Variants in RIMS2 observed in about 807,000 individuals in gnomAD.
RIMS2 encodes regulating synaptic membrane exocytosis protein 2.
Under a neutral mutation model 174.4 loss-of-function variants are expected in RIMS2, and 59 were observed. The ratio of observed to expected loss-of-function variants is 0.34; its 90% confidence interval spans 0.27 to 0.42. The LOEUF is 0.42. Ranked by LOEUF, RIMS2 falls within the 10% of genes least tolerant of loss-of-function variation. The pLI, the probability that RIMS2 is intolerant of heterozygous loss-of-function variation, is 1.00. For missense variants in RIMS2, 1,620 were observed against 1,666.3 expected (o/e 0.97, Z 0.48); for synonymous variants, 606 against 572.5 (o/e 1.06, Z -0.84).
intron 19 of RIMS2, among the ~76,000 whole-genome samples, chr8:104,091,590 G>C (rs922198474): frequency 6.7e-6 from 1 of 149,942 alleles, no homozygotes; most frequent in Non-Finnish European, 1.5e-5. Flanking sequence ...GTGAAAATAT[G>C]TATAGATATA....
intron 3 of RIMS2, among the ~76,000 whole-genome samples, chr8:103,877,588 A>G (rs1307571974): frequency 6.6e-6 from 1 of 151,850 alleles, no homozygotes; most frequent in Non-Finnish European, 1.5e-5. Context: ...CCATTGGTCT[A>G]TATGTCTACT....
rs1443771832 is a variant in RIMS2 at position 104,015,308 on chromosome 8, T to A, written c.3334+693T>A. On this transcript the variant is annotated intron_variant, in intron 19 of 23. Transcript: ENST00000504942. The stretch of plus-strand genomic sequence containing the variant: ...TTTAAATCATTTAACTTTTCTCTAG[T>A]AGATAATACATTCTGTGCTTTTGGA... 8 of 515,382 alleles carry A rather than the reference T, an allele frequency of 1.6e-5. No homozygotes were observed. In the Admixed American group the frequency reaches 2.6e-4, roughly 17 times the overall value. The allele number at this position is 515,382 out of a possible 1,614,324, so 31.9% of individuals were successfully genotyped here.
intron 19 of RIMS2, among the ~76,000 whole-genome samples, chr8:104,136,991 T>C (rs570075441): frequency 5.9e-5 from 9 of 152,174 alleles, no homozygotes; most frequent in African/African-American, 9.6e-5. Context: ...CAATAAATAA[T>C]CTGAAAATTA....
chr8:103,583,474 T>C (rs2093730768), intron 1 of RIMS2, among the ~76,000 whole-genome samples: 1 of 152,236 alleles, frequency 6.6e-6, no homozygotes. Context: ...TGGAGAAATA[T>C]ATGTGACATT....
intron 1 of RIMS2, among the ~76,000 whole-genome samples, chr8:103,555,465 A>T (rs1228545888): frequency 4.6e-5 from 7 of 152,318 alleles, no homozygotes. Context: ...GAGGTTCCTC[A>T]ACAAACTAGA....
chr8:104,101,653 T>C (rs1211026432), intron 19 of RIMS2, among the ~76,000 whole-genome samples: 6 of 152,170 alleles, frequency 3.9e-5, no homozygotes, highest in Non-Finnish European at 2.9e-5. Context: ...TACCTTTCTT[T>C]CTTTTATTTT....
intron 19 of RIMS2, among the ~76,000 whole-genome samples, chr8:104,043,475 T>C (rs1442484687): frequency 6.6e-6 from 1 of 151,490 alleles, no homozygotes; most frequent in East Asian, 1.9e-4. Flanking sequence ...AAGAAAAGAA[T>C]AGGGATGTCA....
At chr8:103,662,375 T>A (rs1416235456) in intron 1 of RIMS2, among the ~76,000 whole-genome samples, 1 of 152,210 alleles carries the variant, frequency 6.6e-6, no homozygotes, top group Admixed American at 6.5e-5. Flanking sequence ...TTACACAAAT[T>A]GTAAAAAATG....
intron 15 of RIMS2, among the ~76,000 whole-genome samples, chr8:103,966,357 G>C (rs78835412): frequency 0.011 from 1,677 of 152,172 alleles, 41 homozygotes; most frequent in African/African-American, 0.038. Context: ...TGACATAACT[G>C]TGTCTTTCAA....
At chr8:103,688,104 T>C (rs1425799867) in intron 1 of RIMS2, among the ~76,000 whole-genome samples, 1 of 152,154 alleles carries the variant, frequency 6.6e-6, no homozygotes, top group East Asian at 1.9e-4. Flanking sequence ...TTATGCTTAA[T>C]AGCTCTTGCT....
At chr8:104,131,990 G>A (rs2133017213) in intron 19 of RIMS2, among the ~76,000 whole-genome samples, 1 of 152,076 alleles carries the variant, frequency 6.6e-6, no homozygotes, top group South Asian at 2.1e-4. Context: ...AAAGATGAGA[G>A]GATAAAAGTA....
chr8:103,580,772 A>G (rs2093563857), intron 1 of RIMS2, among the ~76,000 whole-genome samples: 1 of 152,052 alleles, frequency 6.6e-6, no homozygotes, highest in Non-Finnish European at 1.5e-5. Flanking sequence ...TTAAAGATGA[A>G]CTAATACCAT....
At chr8:104,020,405 T>C (rs968830323) in intron 19 of RIMS2, among the ~76,000 whole-genome samples, 1 of 152,050 alleles carries the variant, frequency 6.6e-6, no homozygotes, top group Non-Finnish European at 1.5e-5. Flanking sequence ...TTGTAATATA[T>C]TTGAATATGC....
At chr8:104,228,544 A>C (rs2099204229) in intron 19 of RIMS2, among the ~76,000 whole-genome samples, 2 of 152,204 alleles carry the variant, frequency 1.3e-5, no homozygotes, top group African/African-American at 2.4e-5. Context: ...CATCATACCT[A>C]GCACAGTGAT....
rs1323297191 is a variant in RIMS2, at chr8:104,068,520, G to T, written c.3334+53905G>T. On this transcript the variant is annotated intron_variant, in intron 19 of 23. Transcript: ENST00000504942. ...TTTTTTCTACTCGATAGGTACTATG[G>T]ATATAGAGGAGAGAAATCGCCAAAT... The T allele has an allele frequency of 6.1e-6, 9 of 1,476,226 alleles. No individual in the cohort carries two copies. In the East Asian group the frequency reaches 1.6e-4, roughly 27 times the overall value. The allele number at this position is 1,476,226 out of a possible 1,614,324, so 91.4% of individuals were successfully genotyped here.
chr8:104,049,114 T>C (rs980394493), intron 19 of RIMS2, among the ~76,000 whole-genome samples: 2 of 145,332 alleles, frequency 1.4e-5, no homozygotes, highest in Non-Finnish European at 3.0e-5. Flanking sequence ...AAATTACTTC[T>C]AGATTTTTCT....
At chr8:104,124,093 T>G (rs933126547) in intron 19 of RIMS2, among the ~76,000 whole-genome samples, 10 of 152,178 alleles carry the variant, frequency 6.6e-5, no homozygotes, top group African/African-American at 2.2e-4. Context: ...TTTTTTAATT[T>G]AAAGATATGC....
chr8:103,912,724 A>G (rs1203983308), intron 6 of RIMS2, among the ~76,000 whole-genome samples: 1 of 152,140 alleles, frequency 6.6e-6, no homozygotes, highest in Non-Finnish European at 1.5e-5. Flanking sequence ...ATATTGATTT[A>G]TGTTTTACAG....
At chr8:103,540,397 T>G (rs180798768) in intron 1 of RIMS2, among the ~76,000 whole-genome samples, 79 of 152,284 alleles carry the variant, frequency 5.2e-4, no homozygotes, top group Admixed American at 3.5e-3. Context: ...GCAGTCTTCA[T>G]CAACACCGAC....
Sources: gnomAD v4.1 joint callset for allele counts (sites outside exome capture counted in the v4.1 genomes callset) on GRCh38, gnomAD v4.1.1 for gene constraint, MANE v1.5 for transcripts, NCBI Gene and HGNC (gene_info 2026-07-23, HGNC 2026-07-21) for gene names.